Variants in DSTN observed in about 807,000 individuals in gnomAD.
DSTN encodes the protein destrin.
A neutral mutation model predicts 16.8 loss-of-function variants in DSTN; 10 were observed. The observed-to-expected ratio is 0.60, with a 90% CI of 0.37 to 1.01. The LOEUF is 1.01. Ranked by LOEUF, DSTN falls within the 50% of genes least tolerant of loss-of-function variation. The pLI is 0.01. For missense variants in DSTN, 141 were observed against 196.7 expected (o/e 0.72, Z 1.69); for synonymous variants, 57 against 58.9 (o/e 0.97, Z 0.14).
chr20:17,586,679 C>T (rs2035412595), intron 1 of DSTN, among the ~76,000 whole-genome samples: 1 of 152,192 alleles, frequency 6.6e-6, no homozygotes, highest in Non-Finnish European at 1.5e-5. Context: ...CCATAACATT[C>T]TGTTACCCAA....
intron 3 of DSTN, among the ~76,000 whole-genome samples, 188 bp from the exon 4 acceptor site, chr20:17,606,849 T>C (rs764309104): frequency 6.6e-6 from 1 of 152,234 alleles, no homozygotes; most frequent in Non-Finnish European, 1.5e-5. Flanking sequence ...TGAATGCTGT[T>C]TGTGAGGCCC....
At chr20:17,596,629 A>G in intron 1 of DSTN, 1 of 984,890 alleles carries the variant, frequency 1.0e-6, no homozygotes, top group South Asian at 4.7e-5. Flanking sequence ...ATTGTGTCAA[A>G]ATTGGTTTTC....
intron 1 of DSTN, among the ~76,000 whole-genome samples, chr20:17,596,144 CCTTG>C (rs1425543616): frequency 6.6e-6 from 1 of 152,114 alleles, no homozygotes; most frequent in Admixed American, 6.5e-5. Context: ...AAATATTCTC[CCTTG>C]CTTCTAAGAT....
At chr20:17,606,523 A>G (rs942184593) in intron 3 of DSTN, among the ~76,000 whole-genome samples, 2 of 152,190 alleles carry the variant, frequency 1.3e-5, no homozygotes, top group Admixed American at 6.5e-5. Context: ...AACCAAGAAA[A>G]TTTTCTTACT....
rs11475064 is a variant in DSTN, at chr20:17,608,617, C to CAAAAAAAAA, written c.*1479_*1487dup. The stretch of plus-strand genomic sequence containing the variant: ...TGGATGACAGAGCAAGACCTTGTCT[C>CAAAAAAAAA]AAAAAAAAAAAAAAAAGTCACAACT... On this transcript the variant is annotated 3_prime_UTR_variant, in exon 4 of 4. Transcript: ENST00000246069. 1 of 112,608 alleles carries CAAAAAAAAA rather than the reference C, an allele frequency of 8.9e-6. No individual in the cohort carries two copies. Among genetic ancestry groups the CAAAAAAAAA allele is most frequent in the Non-Finnish European group, 2.0e-5 (1 of 49,460 alleles). 7.0% of individuals were successfully genotyped at this position (112,608 alleles called of 1,614,324 possible).
intron 1 of DSTN, among the ~76,000 whole-genome samples, chr20:17,573,710 G>A (rs754685695): frequency 1.6e-4 from 24 of 152,046 alleles, no homozygotes; most frequent in Non-Finnish European, 2.9e-4. Context: ...CAGTCTGATG[G>A]TTGTGAAATG....
intron 1 of DSTN, among the ~76,000 whole-genome samples, chr20:17,572,536 G>A (rs2035218997): frequency 6.6e-6 from 1 of 152,142 alleles, no homozygotes; most frequent in African/African-American, 2.4e-5. Context: ...TGCCCCTGAA[G>A]TAGAGTTAAA....
intron 1 of DSTN, among the ~76,000 whole-genome samples, chr20:17,586,894 C>T (rs1297226671): frequency 6.6e-6 from 1 of 152,098 alleles, no homozygotes; most frequent in Non-Finnish European, 1.5e-5. Context: ...GCTGACTTGC[C>T]CAAGTTACAG....
chr20:17,574,735 A>T (rs1488382507), intron 1 of DSTN, among the ~76,000 whole-genome samples: 6 of 149,412 alleles, frequency 4.0e-5, no homozygotes, highest in East Asian at 1.9e-4. Context: ...CAAAAAAAAA[A>T]AAAAAAAAAA....
chr20:17,590,950 G>C (rs1029894494), intron 1 of DSTN, among the ~76,000 whole-genome samples: 5 of 152,058 alleles, frequency 3.3e-5, no homozygotes, highest in African/African-American at 1.2e-4. Context: ...CTACAAAAAA[G>C]TTAAAAAATT....
intron 1 of DSTN, among the ~76,000 whole-genome samples, chr20:17,599,973 A>G (rs913454234): frequency 6.6e-6 from 1 of 152,248 alleles, no homozygotes; most frequent in African/African-American, 2.4e-5. Flanking sequence ...GTTAATGTAA[A>G]TAGCACATTC....
intron 1 of DSTN, chr20:17,576,066 TAGAC>T (rs1347625642): frequency 6.6e-6 from 1 of 152,240 alleles, no homozygotes; most frequent in East Asian, 1.9e-4. Flanking sequence ...GGCATAGACT[TAGAC>T]AAATAAACAT....
chr20:17,583,741 T>TTTTC (rs2035374128), intron 1 of DSTN, among the ~76,000 whole-genome samples: 1 of 110,158 alleles, frequency 9.1e-6, no homozygotes, highest in African/African-American at 3.5e-5. Context: ...GTTTCTTTTT[T>TTTTC]TTTTTTTTTT....
intron 1 of DSTN, chr20:17,596,644 T>TCCAGTTTCTGTG: frequency 1.0e-6 from 1 of 985,432 alleles, no homozygotes; most frequent in South Asian, 4.7e-5. Flanking sequence ...GTTTTCTGCT[T>TCCAGTTTCTGTG]CCAGTTTCTG....
At position 17,597,009 on chromosome 20, in the gene DSTN, T is replaced by C. The variant is rs566914835; in HGVS notation, c.4-3729T>C. Among the ~76,000 whole-genome samples, 8 of 152,310 alleles carry C rather than the reference T, an allele frequency of 5.3e-5. No homozygotes were observed. In the South Asian group the frequency reaches 1.7e-3, roughly 32 times the overall value. On this transcript the variant is annotated intron_variant, in intron 1 of 3. Coordinates refer to ENST00000246069, the MANE Select transcript of DSTN (RefSeq NM_006870.4). The stretch of plus-strand genomic sequence containing the variant: ...CTGCTTTTAGAAATTGCTTGTTGGG[T>C]CAAATGTGACTTCAACATTATGGAC...
At chr20:17,597,989 T>G (rs960967310) in intron 1 of DSTN, among the ~76,000 whole-genome samples, 1 of 115,138 alleles carries the variant, frequency 8.7e-6, no homozygotes, top group African/African-American at 2.8e-5. Context: ...GCACAGTGTT[T>G]GTCAAGGTTC....
chr20:17,581,562 A>G (rs1321840716), intron 1 of DSTN, among the ~76,000 whole-genome samples: 2 of 152,196 alleles, frequency 1.3e-5, no homozygotes, highest in Non-Finnish European at 2.9e-5. Flanking sequence ...AGATTTGTTA[A>G]TAATGAGAGG....
chr20:17,604,068 T>C (rs1487043458), intron 2 of DSTN, among the ~76,000 whole-genome samples: 1 of 152,224 alleles, frequency 6.6e-6, no homozygotes, highest in Non-Finnish European at 1.5e-5. Context: ...TGCCAAAATA[T>C]TAGCATTTAA....
intron 1 of DSTN, among the ~76,000 whole-genome samples, chr20:17,574,714 A>G (rs1217519631): frequency 1.6e-5 from 2 of 123,830 alleles, no homozygotes; most frequent in African/African-American, 6.5e-5. Flanking sequence ...TGACAGAGCG[A>G]GACTCAGTCT....
Sources: allele counts gnomAD v4.1 joint callset (sites outside exome capture counted in the v4.1 genomes callset), GRCh38; gene constraint gnomAD v4.1.1; transcripts MANE v1.5; gene names NCBI Gene and HGNC (gene_info 2026-07-23, HGNC 2026-07-21).